Variants in RGS17 observed in about 807,000 individuals in gnomAD.
RGS17 encodes regulator of G protein signaling 17.
A neutral mutation model predicts 25.5 loss-of-function variants in RGS17; 12 were observed. The observed-to-expected ratio is 0.47, with a 90% CI of 0.30 to 0.76. The LOEUF is 0.76. Ranked by LOEUF, RGS17 falls within the 30% of genes least tolerant of loss-of-function variation. The pLI is 0.07. For missense variants in RGS17, 196 were observed against 242.2 expected, an observed-to-expected ratio of 0.81 and a Z score of 1.27; for synonymous variants, 71 against 76.9, an observed-to-expected ratio of 0.92 and a Z score of 0.40.
At chr6:153,060,296 T>C (rs1457089143) in intron 1 of RGS17, among the ~76,000 whole-genome samples, 1 of 152,214 alleles carries the variant, frequency 6.6e-6, no homozygotes, top group East Asian at 1.9e-4. Flanking sequence ...CACCTGCCAC[T>C]TTGAGTTGTA....
At chr6:153,038,538 C>G (rs1481707429) in intron 2 of RGS17, among the ~76,000 whole-genome samples, 1 of 152,178 alleles carries the variant, frequency 6.6e-6, no homozygotes, top group Admixed American at 6.5e-5. Flanking sequence ...GTGAGTTATT[C>G]TGCAGGAATA....
At chr6:153,049,700 G>A (rs957631774) in intron 1 of RGS17, among the ~76,000 whole-genome samples, 12 of 151,960 alleles carry the variant, frequency 7.9e-5, no homozygotes, top group African/African-American at 2.2e-4. Context: ...GCAGTGAGCC[G>A]AGATCGCACC....
At chr6:153,106,913 C>T (rs1191340426) in intron 1 of RGS17, among the ~76,000 whole-genome samples, 1 of 151,664 alleles carries the variant, frequency 6.6e-6, no homozygotes, top group Non-Finnish European at 1.5e-5. Flanking sequence ...GGATTATAGG[C>T]GTCAGCCACC....
At chr6:153,095,393 T>C (rs1332157774) in intron 1 of RGS17, among the ~76,000 whole-genome samples, 3 of 152,096 alleles carry the variant, frequency 2.0e-5, no homozygotes, top group African/African-American at 4.8e-5. Context: ...TGAAATAGTA[T>C]TGTTATGTTC....
Position 153,010,575 on chromosome 6 carries a change from A to C in RGS17, c.*999T>G, listed in dbSNP as rs967418656. The C allele has an allele frequency of 1.3e-5, 2 of 152,074 alleles. No individual in the cohort carries two copies. Among genetic ancestry groups the C allele is most frequent in the African/African-American group, 4.8e-5 (2 of 41,448 alleles). 9.4% of individuals were successfully genotyped at this position (152,074 alleles called of 1,614,324 possible). ...TTCACTTTCAAGGAAAATATGCCAC[A>C]GGACAGATGCTATTCATCAAAATGT... On this transcript the variant is annotated 3_prime_UTR_variant, in exon 5 of 5. Transcript: ENST00000206262.
chr6:153,040,484 C>T (rs969899918), intron 2 of RGS17, among the ~76,000 whole-genome samples: 3 of 152,052 alleles, frequency 2.0e-5, no homozygotes, highest in African/African-American at 7.2e-5. Flanking sequence ...ATATTTATTA[C>T]TAGATACAGA....
intron 2 of RGS17, among the ~76,000 whole-genome samples, chr6:153,038,198 C>G (rs556367911): frequency 2.6e-5 from 4 of 152,274 alleles, no homozygotes; most frequent in African/African-American, 9.6e-5. Flanking sequence ...ACCAAATGCA[C>G]CTGCCACCTC....
rs546910386 is a variant in RGS17, at chr6:153,083,230, A to G, written c.-25-39187T>C. Among the ~76,000 whole-genome samples, 40 of 152,344 alleles carry G rather than the reference A, an allele frequency of 2.6e-4. 1 individual carries two copies. The highest frequency in any genetic ancestry group is 8.3e-4 in the South Asian group (4 of 4,830). On this transcript the variant is annotated intron_variant, in intron 1 of 4. Coordinates refer to ENST00000206262, the MANE Select transcript of RGS17 (RefSeq NM_012419.5). ...AAGATAAGATTGTATCTCTAATTAA[A>G]TGTTTATCTGAATTGCAATGGTGAG...
At chr6:153,045,398 T>A (rs1040126405) in intron 1 of RGS17, among the ~76,000 whole-genome samples, 4 of 152,174 alleles carry the variant, frequency 2.6e-5, no homozygotes, top group Non-Finnish European at 5.9e-5. Flanking sequence ...TATTCAGTAA[T>A]GCCTAGCTGC....
rs917312130 is a variant in RGS17, at chr6:153,009,009, C to T, written c.*2565G>A. 9 of 152,094 alleles carry T rather than the reference C, an allele frequency of 5.9e-5. No homozygotes were observed. Among genetic ancestry groups the T allele is most frequent in the African/African-American group, 2.2e-4 (9 of 41,428 alleles). The allele number at this position is 152,094 out of a possible 1,614,324, so 9.4% of individuals were successfully genotyped here. The stretch of plus-strand genomic sequence containing the variant: ...TCAACATCTGATGTGTAAATCTGCT[C>T]TCGAATCTTTTTTAACTCAACTTCC... On this transcript the variant is annotated 3_prime_UTR_variant, in exon 5 of 5. Transcript: ENST00000206262.
intron 1 of RGS17, among the ~76,000 whole-genome samples, chr6:153,067,665 C>A (rs749775687): frequency 6.6e-6 from 1 of 152,030 alleles, no homozygotes; most frequent in African/African-American, 2.4e-5. Flanking sequence ...GAAGAGGACA[C>A]CAAAAAATGG....
intron 1 of RGS17, among the ~76,000 whole-genome samples, chr6:153,067,628 A>C (rs1438331136): frequency 6.6e-6 from 1 of 152,174 alleles, no homozygotes; most frequent in East Asian, 1.9e-4. Context: ...TTATAAGGAA[A>C]ATCATAAAAC....
At chr6:153,054,771 G>A (rs1776531784) in intron 1 of RGS17, among the ~76,000 whole-genome samples, 1 of 151,458 alleles carries the variant, frequency 6.6e-6, no homozygotes, top group African/African-American at 2.4e-5. Flanking sequence ...CGCTTTATTT[G>A]CGCTCTTCTG....
At chr6:153,106,194 T>C (rs1200658699) in intron 1 of RGS17, among the ~76,000 whole-genome samples, 1 of 151,900 alleles carries the variant, frequency 6.6e-6, no homozygotes, top group Non-Finnish European at 1.5e-5. Context: ...GGGTTACTCA[T>C]AGAGAAGACA....
intron 1 of RGS17, among the ~76,000 whole-genome samples, chr6:153,104,402 G>A (rs1777349105): frequency 6.6e-6 from 1 of 152,186 alleles, no homozygotes; most frequent in South Asian, 2.1e-4. Flanking sequence ...GAAAGTAACA[G>A]AGCCAGGAGT....
intron 2 of RGS17, among the ~76,000 whole-genome samples, chr6:153,042,460 C>A (rs1776334675): frequency 6.6e-6 from 1 of 152,226 alleles, no homozygotes; most frequent in Admixed American, 6.5e-5. Context: ...TGCACATGCA[C>A]TCTTGCCTGC....
intron 1 of RGS17, among the ~76,000 whole-genome samples, chr6:153,119,350 T>C (rs894300897): frequency 2.0e-5 from 3 of 152,216 alleles, no homozygotes; most frequent in African/African-American, 7.2e-5. Flanking sequence ...ACATTAAACT[T>C]GCTACCTTTC....
chr6:153,089,104 G>C (rs1777090487), intron 1 of RGS17, among the ~76,000 whole-genome samples: 1 of 151,344 alleles, frequency 6.6e-6, no homozygotes, highest in Non-Finnish European at 1.5e-5. Context: ...TTTTCTTATA[G>C]TGTGTCTTTT....
At chr6:153,085,041 GTT>G (rs1777034420) in intron 1 of RGS17, among the ~76,000 whole-genome samples, 1 of 152,158 alleles carries the variant, frequency 6.6e-6, no homozygotes. Context: ...TTAAAACTGT[GTT>G]TTAATTTACG....
Sources: gnomAD v4.1 joint callset for allele counts (sites outside exome capture counted in the v4.1 genomes callset) on GRCh38, gnomAD v4.1.1 for gene constraint, MANE v1.5 for transcripts, NCBI Gene and HGNC (gene_info 2026-07-23, HGNC 2026-07-21) for gene names.